The following PIF1 variants were observed in gnomAD, a reference collection of about 807,000 sequenced individuals.
PIF1 encodes ATP-dependent DNA helicase PIF1.
Under a neutral mutation model 62.3 loss-of-function variants are expected in PIF1, and 67 were observed. The observed-to-expected ratio is 1.08, with a 90% confidence interval of 0.88 to 1.32. The LOEUF (loss-of-function observed/expected upper bound fraction) is 1.32. PIF1 is among the 40% of genes most tolerant of loss of function. The pLI is 0.00. For missense variants in PIF1, 886 were observed against 866.1 expected, an observed-to-expected ratio of 1.02 and a Z score of -0.29; for synonymous variants, 364 against 379.5, an observed-to-expected ratio of 0.96 and a Z score of 0.47.
Position 64,816,784 on chromosome 15 carries a change from G to C in PIF1, c.1675-19C>G. 6.4e-7 allele frequency: 1 copy of C among 1,565,376 alleles called. No individual in the cohort carries two copies. Among genetic ancestry groups the C allele is most frequent in the Non-Finnish European group, 8.6e-7 (1 of 1,156,420 alleles). Reference sequence around the variant, plus strand: ...TCATGCCCTGGGGGATGCAGGGACAGAGATGGAGTCAGCTCAGCCTTAAGT... The same window carrying C: ...TCATGCCCTGGGGGATGCAGGGACACAGATGGAGTCAGCTCAGCCTTAAGT... On this transcript the variant is annotated intron_variant, in intron 11 of 12. Coordinates refer to ENST00000559239, the MANE Select transcript of PIF1 (RefSeq NM_001286496.2).
chr15:64,825,848 T>C (rs532955768), upstream of PIF1, among the ~76,000 whole-genome samples: 6 of 152,084 alleles, frequency 3.9e-5, no homozygotes, highest in Admixed American at 6.5e-5. Flanking sequence ...CCAAATCCAG[T>C]GGACGGCTGG....
In PIF1 at chr15:64,821,248, C is replaced by T; in HGVS notation, c.1005G>A (p.Gly335=). 1 of 1,614,232 alleles carries T rather than the reference C, an allele frequency of 6.2e-7. No homozygotes were observed. The highest frequency in any genetic ancestry group is 8.5e-7 in the Non-Finnish European group (1 of 1,180,046). ...AGTCCCCACAGATGATGAGCTGGAT[C>T]CCTCCGAATGGCTTGTTCTGCTGCC... ...AVRQQNKPFG[G]IQLIICGDFL... Residue 335 remains glycine, a synonymous_variant, in exon 6 of 13, where the codon GGG becomes GGA. Coordinates refer to ENST00000559239, the MANE Select transcript of PIF1 (RefSeq NM_001286496.2).
chr15:64,826,665 T>TATATATACACAC (rs796684934), upstream of PIF1, among the ~76,000 whole-genome samples: 812 of 42,392 alleles, frequency 0.019, 22 homozygotes, highest in Middle Eastern at 0.045. Context: ...TATATATATA[T>TATATATACACAC]ACACACACAC....
In PIF1 at chr15:64,815,825, A is replaced by G; in HGVS notation, c.*473T>C. The G allele has an allele frequency of 5.2e-6, 8 of 1,550,632 alleles. No homozygotes were observed. Among genetic ancestry groups the G allele is most frequent in the Non-Finnish European group, 7.0e-6 (8 of 1,147,002 alleles). On this transcript the variant is annotated 3_prime_UTR_variant, in exon 13 of 13. Transcript: ENST00000559239. ...TGGGCTAGGCTGGGCCTAGCTGTAG[A>G]GACACACCTAAGTTCCGTTCTCTGT... is the stretch of plus-strand genomic sequence containing the variant.
chr15:64,819,188 G>C lies in PIF1; in HGVS notation c.1369C>G (p.Pro457Ala). ...VHRFEAMDSN[P>A]ELASTLDAQC... Reference sequence around the variant, plus strand: ...GCATCCAGGGTACTGGCCAGCTCAGGGTTGCTGTCCATAGCCTCAAATCTG... The same window carrying C: ...GCATCCAGGGTACTGGCCAGCTCAGCGTTGCTGTCCATAGCCTCAAATCTG... The change falls in exon 9 of 13, where the codon CCT (proline) becomes GCT (alanine). Residue 457 changes from proline to alanine, a missense_variant. Pro to Ala is a conservative substitution (Grantham distance 27). Transcript: ENST00000559239. The C allele has an allele frequency of 1.2e-6, 2 of 1,604,178 alleles. No individual in the cohort carries two copies. The highest frequency in any genetic ancestry group is 1.7e-6 in the Non-Finnish European group (2 of 1,177,080).
At chr15:64,824,406 G>T in intron 1 of PIF1, 52 bp from the exon 2 acceptor site, 1 of 1,176,026 alleles carries the variant, frequency 8.5e-7, no homozygotes, top group Admixed American at 4.2e-5. Context: ...GACGTAATGG[G>T]TGCTATAGGG....
chr15:64,818,084 G>C lies in PIF1; in HGVS notation c.1536C>G (p.Pro512=). 6.2e-7 allele frequency: 1 copy of C among 1,613,862 alleles called. No individual in the cohort carries two copies. The highest frequency in any genetic ancestry group is 8.5e-7 in the Non-Finnish European group (1 of 1,179,928). Residue 512 remains proline, a synonymous_variant, in exon 11 of 13, where the codon CCC becomes CCG. Coordinates refer to ENST00000559239, the MANE Select transcript of PIF1 (RefSeq NM_001286496.2). The part of the protein sequence containing the change: ...VGFEAEGRGL[P]QVRFLCGVTE... The stretch of plus-strand genomic sequence containing the variant: ...TGACTCCACACAGGAACCGCACCTG[G>C]GGTAGCCCTAAGGAGAGCATGGAGC...
upstream of PIF1, among the ~76,000 whole-genome samples, chr15:64,826,665 T>TATATATATACACAC (rs796684934): frequency 0.012 from 496 of 42,510 alleles, 6 homozygotes; most frequent in East Asian, 0.018. Context: ...TATATATATA[T>TATATATATACACAC]ACACACACAC....
At chr15:64,821,649 G>A in intron 4 of PIF1, 129 bp from the exon 5 acceptor site, 1 of 1,146,728 alleles carries the variant, frequency 8.7e-7, no homozygotes, top group Non-Finnish European at 1.2e-6. Context: ...TTGGCTCACT[G>A]TAACCTGGGC....
chr15:64,825,020 T>C (rs201049769), intron 1 of PIF1, among the ~76,000 whole-genome samples: 12 of 146,084 alleles, frequency 8.2e-5, no homozygotes, highest in Admixed American at 3.4e-4. Context: ...CACACACACA[T>C]ATACACACAC....
At position 64,819,144 on chromosome 15, in the gene PIF1, C is replaced by A; in HGVS notation, c.1413G>T (p.Gln471His). ...STLDAQCPVS[Q>H]LLQLKLGAQV... Reference sequence around the variant, plus strand: ...GGGCCCCCAGCTTTAGTTGAAGGAGCTGGCTAACAGGACACTGGGCATCCA... The same window carrying A: ...GGGCCCCCAGCTTTAGTTGAAGGAGATGGCTAACAGGACACTGGGCATCCA... Residue 471 changes from glutamine to histidine, a missense_variant, in exon 9 of 13, where the codon CAG becomes CAT. By Grantham distance (24) the Gln-to-His change is conservative. Transcript: ENST00000559239. The A allele has an allele frequency of 6.3e-7, 1 of 1,595,958 alleles. No homozygotes were observed.
chr15:64,820,115 T>C (rs2084264792), intron 7 of PIF1, 129 bp from the exon 8 acceptor site: 1 of 1,207,286 alleles, frequency 8.3e-7, no homozygotes, highest in South Asian at 1.5e-5. Context: ...CAGGGAAGAG[T>C]TGCTGCCCCC....
rs1241375655 is a variant in PIF1 at position 64,815,675 on chromosome 15, C to T, written c.*623G>A. 17 of 1,541,018 alleles carry T rather than the reference C, an allele frequency of 1.1e-5. No individual in the cohort carries two copies. Among genetic ancestry groups the T allele is most frequent in the Non-Finnish European group, 1.5e-5 (17 of 1,142,238 alleles). On this transcript the variant is annotated 3_prime_UTR_variant, in exon 13 of 13. Coordinates refer to ENST00000559239, the MANE Select transcript of PIF1 (RefSeq NM_001286496.2). Reference sequence around the variant, plus strand: ...GTTTATTTGTCCGAAATAAATACAACCTGAGAACATCCATTTCAATGTCCC... The same window carrying T: ...GTTTATTTGTCCGAAATAAATACAATCTGAGAACATCCATTTCAATGTCCC...
rs1021022092 is a variant in PIF1, at chr15:64,815,722, A to T, written c.*576T>A. ...TCCCCAAACACTATTTATCCCCTGA[A>T]AAAGCAGCTTAAAATATGGGTGCAC... On this transcript the variant is annotated 3_prime_UTR_variant, in exon 13 of 13. Transcript: ENST00000559239. The T allele has an allele frequency of 6.4e-7, 1 of 1,550,462 alleles. No individual in the cohort carries two copies. The highest frequency in any genetic ancestry group is 8.7e-7 in the Non-Finnish European group (1 of 1,147,002).
intron 1 of PIF1, 147 bp from the exon 2 acceptor site, chr15:64,824,501 G>A (rs2084339848): frequency 2.0e-6 from 1 of 506,862 alleles, no homozygotes. Context: ...GTAACACAAA[G>A]AGGTCACAAA....
Position 64,822,297 on chromosome 15 carries a change from G to A in PIF1, c.786C>T (p.His262=), listed in dbSNP as rs747432120. 2 of 1,613,290 alleles carry A rather than the reference G, an allele frequency of 1.2e-6. No individual in the cohort carries two copies. The highest frequency in any genetic ancestry group is 1.3e-5 in the African/African-American group (1 of 74,938). ...ATASTGVAAC[H]IGGTTLHAFA... is the part of the protein sequence containing the mutation. Reference sequence around the variant, plus strand: ...AGGCATGGAGGGTGGTGCCCCCGATGTGGCAGGCTGCCACCCCAGTGCTGG... The same window carrying A: ...AGGCATGGAGGGTGGTGCCCCCGATATGGCAGGCTGCCACCCCAGTGCTGG... The change falls in exon 4 of 13, where the codon CAC becomes CAT. Residue 262 remains histidine, a synonymous_variant. Transcript: ENST00000559239.
intron 4 of PIF1, 52 bp from the exon 5 acceptor site, chr15:64,821,572 T>C (rs1418371605): frequency 6.1e-6 from 7 of 1,148,386 alleles, no homozygotes; most frequent in South Asian, 3.8e-5. Flanking sequence ...TCTCTTTTTT[T>C]TTTTTTTTTT....
At position 64,824,041 on chromosome 15, in the gene PIF1, C is replaced by T. The variant is rs1471078620; in HGVS notation, c.295G>A (p.Gly99Ser). Residue 99 changes from glycine (G) to serine (S), a missense_variant, in exon 2 of 13, where the codon GGC (glycine) becomes AGC (serine). Gly to Ser is a moderately conservative substitution (Grantham distance 56, BLOSUM62 0). Coordinates refer to ENST00000559239, the MANE Select transcript of PIF1 (RefSeq NM_001286496.2). ...RLPAHDTPGA[G>S]AVQLLLSDCP... ...TCCGAGAGCAGCAGCTGCACTGCGC[C>T]GGCCCCGGGGGTGTCGTGGGCGGGG... is the stretch of plus-strand genomic sequence containing the variant. The T allele has an allele frequency of 3.9e-6, 5 of 1,269,506 alleles. No homozygotes were observed. The highest frequency in any genetic ancestry group is 5.0e-6 in the Non-Finnish European group (5 of 1,009,010). 78.6% of individuals were successfully genotyped at this position (1,269,506 alleles called of 1,614,324 possible). A position where few individuals can be genotyped will look rare whatever the true frequency, so the allele number is the denominator to read the frequency against.
chr15:64,823,863 C>G lies in PIF1; in HGVS notation c.473G>C (p.Arg158Pro). 7.2e-7 allele frequency: 1 copy of G among 1,388,792 alleles called. No homozygotes were observed. Among genetic ancestry groups the G allele is most frequent in the Non-Finnish European group, 9.4e-7 (1 of 1,060,568 alleles). 86.0% of individuals were successfully genotyped at this position (1,388,792 alleles called of 1,614,324 possible). Residue 158 changes from arginine (R) to proline (P), a missense_variant, in exon 2 of 13, where the codon CGG becomes CCG. By Grantham distance (103) the Arg-to-Pro change is moderately radical (BLOSUM62 -2). Coordinates refer to ENST00000559239, the MANE Select transcript of PIF1 (RefSeq NM_001286496.2). The part of the protein sequence containing the change: ...VTISPVQPEE[R>P]RLRAATRVPD... Reference sequence around the variant, plus strand: ...AACCCGGGTGGCCGCCCTGAGCCGCCGCTCCTCGGGCTGCACAGGGCTGAT... The same window carrying G: ...AACCCGGGTGGCCGCCCTGAGCCGCGGCTCCTCGGGCTGCACAGGGCTGAT...
Sources: allele counts gnomAD v4.1 joint callset (sites outside exome capture counted in the v4.1 genomes callset), GRCh38; gene constraint gnomAD v4.1.1; transcripts MANE v1.5; gene names NCBI Gene and HGNC (gene_info 2026-07-23, HGNC 2026-07-21).